The following ZNF527 variants were observed in gnomAD, a reference collection of about 807,000 sequenced individuals.
ZNF527 encodes the protein zinc finger protein 527.
Under a neutral mutation model 13.5 loss-of-function variants are expected in ZNF527, and 5 were observed. The ratio of observed to expected loss-of-function variants is 0.37; its 90% CI spans 0.19 to 0.78. The LOEUF is 0.78. ZNF527 is among the 30% of genes least tolerant of loss of function. The pLI is 0.48. For synonymous variants in ZNF527, 209 were observed against 243.1 expected, an observed-to-expected ratio of 0.86 and a Z score of 1.30; for missense variants, 628 against 726.4, an observed-to-expected ratio of 0.86 and a Z score of 1.56.
Position 37,389,120 on chromosome 19 carries a change from G to A in ZNF527, c.1071G>A (p.Pro357=), listed in dbSNP as rs772051180. 1.2e-5 allele frequency: 19 copies of A among 1,613,388 alleles called. No individual in the cohort carries two copies. The highest frequency in any genetic ancestry group is 1.6e-4 in the Middle Eastern group (1 of 6,078). Residue 357 remains proline, a synonymous_variant, in exon 5 of 5, where the codon CCG becomes CCA. Transcript: ENST00000436120. The stretch of plus-strand genomic sequence containing the variant: ...AGAGGATCCACACTGGAGAGAAACC[G>A]TTTGCGTGCAATGAATGTGGGAAGG... The part of the protein sequence containing the change: ...QHQRIHTGEK[P]FACNECGKAF...
At chr19:37,377,032 C>T (rs181261301) in intron 2 of ZNF527, among the ~76,000 whole-genome samples, 1 of 151,976 alleles carries the variant, frequency 6.6e-6, no homozygotes, top group South Asian at 2.1e-4. Context: ...GTGGATAACA[C>T]TGGTCTAAAC....
intron 4 of ZNF527, among the ~76,000 whole-genome samples, chr19:37,387,162 C>G (rs2040706920): frequency 6.6e-6 from 1 of 152,196 alleles, no homozygotes; most frequent in African/African-American, 2.4e-5. Context: ...ATGGCAAAGA[C>G]TGTATCTATT....
chr19:37,376,542 C>T (rs955623975), intron 2 of ZNF527, among the ~76,000 whole-genome samples: 6 of 151,594 alleles, frequency 4.0e-5, no homozygotes, highest in African/African-American at 7.3e-5. Context: ...GGTGTGGTAG[C>T]GCATGCCTGT....
At chr19:37,375,300 TTC>T (rs1491422491) in intron 2 of ZNF527, among the ~76,000 whole-genome samples, 1 of 124,228 alleles carries the variant, frequency 8.0e-6, no homozygotes, top group Non-Finnish European at 1.6e-5. Flanking sequence ...CTTTCTTTCT[TTC>T]TTTCTTTCTT....
intron 4 of ZNF527, among the ~76,000 whole-genome samples, chr19:37,380,941 T>C (rs913758185): frequency 6.6e-6 from 1 of 152,090 alleles, no homozygotes. Flanking sequence ...TTTTTCAGGG[T>C]GAGCCCTTAT....
At chr19:37,376,024 G>A (rs1339888798) in intron 2 of ZNF527, among the ~76,000 whole-genome samples, 1 of 152,160 alleles carries the variant, frequency 6.6e-6, no homozygotes, top group Admixed American at 6.5e-5. Flanking sequence ...ACATCATTGT[G>A]GTGGGTTTAA....
intron 4 of ZNF527, among the ~76,000 whole-genome samples, chr19:37,383,531 C>T (rs987146750): frequency 1.3e-5 from 2 of 150,876 alleles, no homozygotes; most frequent in Non-Finnish European, 2.9e-5. Context: ...AGCTACCACA[C>T]CCAGCTGATT....
At chr19:37,384,729 T>C (rs256733) in intron 4 of ZNF527, 293,349 of 497,554 alleles carry the variant, frequency 0.59, 90,403 homozygotes, top group African/African-American at 0.87. Flanking sequence ...TCTGCTGATA[T>C]GAGGAAGGGA....
chr19:37,375,367 CTTTTT>C (rs747311868), intron 2 of ZNF527, among the ~76,000 whole-genome samples: 2 of 81,386 alleles, frequency 2.5e-5, no homozygotes, highest in Non-Finnish European at 5.4e-5. Flanking sequence ...CTTTTCTTTT[CTTTTT>C]TTTTTTTGAG....
intron 4 of ZNF527, chr19:37,385,608 G>A (rs893075328): frequency 2.9e-6 from 1 of 340,108 alleles, no homozygotes; most frequent in African/African-American, 2.1e-5. Flanking sequence ...ATTTTCTTAA[G>A]TTCTGAAATA....
chr19:37,383,903 A>T (rs1418520466), intron 4 of ZNF527, among the ~76,000 whole-genome samples: 3 of 152,190 alleles, frequency 2.0e-5, no homozygotes, highest in African/African-American at 4.8e-5. Context: ...GAGTTTTACT[A>T]TATAAACCAA....
chr19:37,388,460 G>T lies in ZNF527; in HGVS notation c.411G>T (p.Glu137Asp). Residue 137 changes from glutamate to aspartate, a missense_variant, in exon 5 of 5, where the codon GAG becomes GAT. This residue lies in a region of ZNF527 where 592 missense variants were observed against 678.0 expected (regional missense o/e 0.87). Transcript: ENST00000436120. ...REAWKYKGEF[E>D]LHQGNAERHF... is the part of the protein sequence containing the mutation. ...CCTGGAAATATAAGGGTGAATTTGAGCTACATCAGGGAAATGCGGAGAGGC... is the reference window on the plus strand; with the variant it reads ...CCTGGAAATATAAGGGTGAATTTGATCTACATCAGGGAAATGCGGAGAGGC... The T allele has an allele frequency of 6.2e-7, 1 of 1,614,156 alleles. No individual in the cohort carries two copies. Among genetic ancestry groups the T allele is most frequent in the Non-Finnish European group, 8.5e-7 (1 of 1,180,030 alleles).
At chr19:37,375,502 T>C (rs1188771261) in intron 2 of ZNF527, among the ~76,000 whole-genome samples, 1 of 151,246 alleles carries the variant, frequency 6.6e-6, no homozygotes, top group Non-Finnish European at 1.5e-5. Flanking sequence ...GCTGGGACTA[T>C]AGGCACACAC....
rs956523648 is a variant in ZNF527, at chr19:37,389,348, A to G, written c.1299A>G (p.Gln433=). The G allele has an allele frequency of 1.2e-6, 2 of 1,613,950 alleles. No individual in the cohort carries two copies. Among genetic ancestry groups the G allele is most frequent in the African/African-American group, 2.7e-5 (2 of 74,902 alleles). ...GACGCATAGCCCTTACTCTACATCA[A>G]AGAATTCACACAGGAGAGAAACCCT... ...FSRRIALTLH[Q]RIHTGEKPFK... Residue 433 remains glutamine (Q), a synonymous_variant, in exon 5 of 5, where the codon CAA becomes CAG. Transcript: ENST00000436120.
At position 37,389,611 on chromosome 19, in the gene ZNF527, C is replaced by T. The variant is rs1456687317; in HGVS notation, c.1562C>T (p.Ala521Val). 1 of 1,614,140 alleles carries T rather than the reference C, an allele frequency of 6.2e-7. No individual in the cohort carries two copies. The highest frequency in any genetic ancestry group is 8.5e-7 in the Non-Finnish European group (1 of 1,180,028). ...CTAATTCACCATAAGAGAAGTCATG[C>T]AGGAGAGAAACCCTATGAATGTAAC... ...LVLIHHKRSH[A>V]GEKPYECNKC... The change falls in exon 5 of 5, where the codon GCA becomes GTA. Residue 521 changes from alanine to valine, a missense_variant. Ala to Val is a moderately conservative substitution (Grantham distance 64). Coordinates refer to ENST00000436120, the MANE Select transcript of ZNF527 (RefSeq NM_032453.2).
In ZNF527 at chr19:37,376,162, G is replaced by T. The variant is rs1435902062; in HGVS notation, c.33+1931G>T. Among the ~76,000 whole-genome samples, 5 of 151,970 alleles carry T rather than the reference G, an allele frequency of 3.3e-5. No individual in the cohort carries two copies. The East Asian group carries it at 9.7e-4, about 29-fold the overall frequency. ...TTATGTATGCAGGGCAACACAGGGA[G>T]ACTCCATCTCTAAAAAAATTTTTAA... On this transcript the variant is annotated intron_variant, in intron 2 of 4. Transcript: ENST00000436120.
In ZNF527 at chr19:37,388,438, G is replaced by A. The variant is rs979121106; in HGVS notation, c.389G>A (p.Trp130Ter). 1.2e-6 allele frequency: 2 copies of A among 1,613,988 alleles called. No homozygotes were observed. The highest frequency in any genetic ancestry group is 1.7e-6 in the Non-Finnish European group (2 of 1,180,014). ...GLECSSFREAWKYKGEFELHQ... is the reference protein window; with the variant it reads ...GLECSSFREA ...GAATGCTCCAGTTTCAGAGAAGCCTGGAAATATAAGGGTGAATTTGAGCTA... is the reference window on the plus strand; with the variant it reads ...GAATGCTCCAGTTTCAGAGAAGCCTAGAAATATAAGGGTGAATTTGAGCTA... Residue 130 changes from tryptophan (W) to a stop codon, truncating the protein, a stop_gained, in exon 5 of 5, where the codon TGG becomes TAG. Transcript: ENST00000436120. LOFTEE classifies it low-confidence loss of function (END_TRUNC).
chr19:37,384,849 G>A (rs886932883), intron 4 of ZNF527: 5 of 660,068 alleles, frequency 7.6e-6, no homozygotes, highest in Non-Finnish European at 2.8e-6. Flanking sequence ...ACATTTTTTT[G>A]TTTTGTTTTT....
chr19:37,384,898 A>C, intron 4 of ZNF527: 1 of 701,394 alleles, frequency 1.4e-6, no homozygotes, highest in Non-Finnish European at 2.6e-6. Context: ...GCTGGAGTGC[A>C]GTGGCATGAT....
Sources: gnomAD v4.1 joint callset for allele counts (sites outside exome capture counted in the v4.1 genomes callset) on GRCh38, gnomAD v4.1.1 for gene constraint, gnomAD v4.1.1 regional missense constraint, MANE v1.5 for transcripts, NCBI Gene and HGNC (gene_info 2026-07-23, HGNC 2026-07-21) for gene names.